ARFIP1: variants seen among roughly 807,000 people sequenced by gnomAD.
ARFIP1 encodes the protein arfaptin-1.
A neutral mutation model predicts 42.5 loss-of-function variants in ARFIP1; 24 were observed. That is an observed-to-expected ratio of 0.57 (90% CI 0.41 to 0.80). The LOEUF (loss-of-function observed/expected upper bound fraction) is 0.80, where lower values mean the gene tolerates loss of function less well. Ranked by LOEUF, ARFIP1 falls within the 30% of genes least tolerant of loss-of-function variation. The pLI is 0.00. For synonymous variants in ARFIP1, 141 were observed against 153.7 expected, an observed-to-expected ratio of 0.92 and a Z score of 0.61; for missense variants, 354 against 434.0, an observed-to-expected ratio of 0.82 and a Z score of 1.64.
intron 8 of ARFIP1, among the ~76,000 whole-genome samples, chr4:152,905,639 A>G (rs1166290572): frequency 7.9e-6 from 1 of 127,322 alleles, no homozygotes; most frequent in East Asian, 2.4e-4. Flanking sequence ...CGCAGTCTCC[A>G]CCTCCCGGGT....
At chr4:152,786,369 C>T (rs933485550) in intron 1 of ARFIP1, among the ~76,000 whole-genome samples, 4 of 152,136 alleles carry the variant, frequency 2.6e-5, no homozygotes, top group Admixed American at 1.3e-4. Context: ...TTGGTTCTTT[C>T]TTTGTTCCTT....
chr4:152,779,973 C>G lies in ARFIP1; in HGVS notation c.-263C>G, dbSNP rs928684699. 1.3e-5 allele frequency: 2 copies of G among 152,596 alleles called. No individual in the cohort carries two copies. The highest frequency in any genetic ancestry group is 2.4e-5 in the African/African-American group (1 of 41,458). The allele number at this position is 152,596 out of a possible 1,614,324, so 9.5% of individuals were successfully genotyped here. On this transcript the variant is annotated 5_prime_UTR_variant, in exon 1 of 9. Transcript: ENST00000353617. ...TCCGGTCTCCTCACTTCCGGCTTCG[C>G]TGCTCTTGGTTCTGGTTCTGGAGGC... is the stretch of plus-strand genomic sequence containing the variant.
chr4:152,903,186 G>A (rs938169448), intron 8 of ARFIP1, among the ~76,000 whole-genome samples: 2 of 152,046 alleles, frequency 1.3e-5, no homozygotes, highest in South Asian at 2.1e-4. Context: ...TAAAAAATAG[G>A]CAGAAAATCT....
At chr4:152,861,771 T>G (rs1341121363) in intron 2 of ARFIP1, among the ~76,000 whole-genome samples, 1 of 152,154 alleles carries the variant, frequency 6.6e-6, no homozygotes. Context: ...GTAGTATATA[T>G]TATCTTAGCT....
chr4:152,816,724 T>C (rs1439521268), intron 1 of ARFIP1, among the ~76,000 whole-genome samples: 1 of 152,232 alleles, frequency 6.6e-6, no homozygotes, highest in Non-Finnish European at 1.5e-5. Context: ...TGTCTGAAAT[T>C]GTACCTAGCA....
At chr4:152,832,315 C>G (rs1731316106) in intron 2 of ARFIP1, among the ~76,000 whole-genome samples, 1 of 152,176 alleles carries the variant, frequency 6.6e-6, no homozygotes, top group Non-Finnish European at 1.5e-5. Context: ...TTATAAAATG[C>G]TGTTCCCTGA....
intron 1 of ARFIP1, among the ~76,000 whole-genome samples, chr4:152,825,622 G>C (rs1730773913): frequency 6.6e-6 from 1 of 152,110 alleles, no homozygotes; most frequent in Non-Finnish European, 1.5e-5. Context: ...TCTGGACATT[G>C]GCCTAGGCAA....
At chr4:152,799,033 A>G (rs1028511741) in intron 1 of ARFIP1, among the ~76,000 whole-genome samples, 7 of 152,256 alleles carry the variant, frequency 4.6e-5, no homozygotes, top group African/African-American at 1.4e-4. Context: ...ACATTTTGGC[A>G]TCAGACATCA....
intron 2 of ARFIP1, among the ~76,000 whole-genome samples, chr4:152,853,787 A>G (rs958935606): frequency 6.6e-6 from 1 of 151,488 alleles, no homozygotes; most frequent in Non-Finnish European, 1.5e-5. Context: ...CCCCGATAAT[A>G]TGAATATTTG....
At chr4:152,847,957 T>C (rs1417543623) in intron 2 of ARFIP1, among the ~76,000 whole-genome samples, 1 of 152,198 alleles carries the variant, frequency 6.6e-6, no homozygotes, top group Admixed American at 6.5e-5. Context: ...TACACAAACC[T>C]ACCAAATTTT....
chr4:152,880,779 G>A (rs2149891535), intron 5 of ARFIP1, among the ~76,000 whole-genome samples, 184 bp from the exon 6 acceptor site: 1 of 152,272 alleles, frequency 6.6e-6, no homozygotes, highest in East Asian at 1.9e-4. Flanking sequence ...CCTTTGATTA[G>A]TAATAATTAT....
At chr4:152,886,397 A>T (rs536492489) in intron 7 of ARFIP1, among the ~76,000 whole-genome samples, 1 of 152,028 alleles carries the variant, frequency 6.6e-6, no homozygotes, top group Admixed American at 6.6e-5. Flanking sequence ...TCTAATGTTA[A>T]TTCCTTCCAT....
chr4:152,820,149 C>G (rs1047178809), intron 1 of ARFIP1, among the ~76,000 whole-genome samples: 1 of 152,004 alleles, frequency 6.6e-6, no homozygotes, highest in African/African-American at 2.4e-5. Context: ...CAAAGAAGAC[C>G]TCAGTGCATT....
At chr4:152,804,171 C>G (rs28382293) in intron 1 of ARFIP1, among the ~76,000 whole-genome samples, 27,154 of 44,188 alleles carry the variant, frequency 0.61, 6,447 homozygotes, top group Non-Finnish European at 0.66. Context: ...TATAATATAA[C>G]ATGTATTATA....
intron 5 of ARFIP1, among the ~76,000 whole-genome samples, chr4:152,874,261 G>A (rs1016071399): frequency 6.6e-6 from 1 of 152,082 alleles, no homozygotes. Context: ...AAAAATTTGT[G>A]TTAATGAAAA....
chr4:152,800,132 A>G (rs1355435566), intron 1 of ARFIP1, among the ~76,000 whole-genome samples: 1 of 152,202 alleles, frequency 6.6e-6, no homozygotes, highest in African/African-American at 2.4e-5. Flanking sequence ...ATTTAAAAGC[A>G]TTATATGAGT....
intron 8 of ARFIP1, among the ~76,000 whole-genome samples, chr4:152,891,272 A>C (rs1736824921): frequency 6.6e-6 from 1 of 152,236 alleles, no homozygotes; most frequent in African/African-American, 2.4e-5. Context: ...GGCTTTCCAC[A>C]GTTGTCATCA....
At chr4:152,855,344 G>T (rs540537372) in intron 2 of ARFIP1, among the ~76,000 whole-genome samples, 1 of 152,144 alleles carries the variant, frequency 6.6e-6, no homozygotes, top group African/African-American at 2.4e-5. Context: ...GTACAGGTGT[G>T]CTAGCTGTGG....
In ARFIP1 at chr4:152,808,283, ATTTTTTTTTTTTTTTTT is replaced by A. The variant is rs61135783; in HGVS notation, c.-9-21324_-9-21308del. On this transcript the variant is annotated intron_variant, in intron 1 of 8. Coordinates refer to ENST00000353617, the MANE Select transcript of ARFIP1 (RefSeq NM_001025595.3). ...GTGTGAGCCACCACGCCTGGCCTCC[ATTTTTTTTTTTTTTTTT>A]TTTTTTTTTTTTTTTTTGTAGCAGT... Among the ~76,000 whole-genome samples the A allele has an allele frequency of 1.9e-3, 38 of 20,320 alleles. 1 individual carries two copies. The highest frequency in any genetic ancestry group is 7.7e-3 in the South Asian group (5 of 648). 13.3% of individuals were successfully genotyped at this position (20,320 alleles called of 152,430 possible).
Sources: allele counts gnomAD v4.1 joint callset (sites outside exome capture counted in the v4.1 genomes callset), GRCh38; gene constraint gnomAD v4.1.1; transcripts MANE v1.5; gene names NCBI Gene and HGNC (gene_info 2026-07-23, HGNC 2026-07-21).